CPA3: variants seen among roughly 807,000 people sequenced by gnomAD.
CPA3 encodes the protein mast cell carboxypeptidase A.
In CPA3, 52 loss-of-function variants were observed where a neutral mutation model predicts 55.8. The ratio of observed to expected loss-of-function variants is 0.93; its 90% CI spans 0.75 to 1.17. The LOEUF (loss-of-function observed/expected upper bound fraction) is 1.17. Ranked by LOEUF, CPA3 falls within the 50% of genes most tolerant of loss-of-function variation. The pLI is 0.00. For missense variants in CPA3, 547 were observed against 509.1 expected (o/e 1.07, Z -0.72); for synonymous variants, 179 against 171.2 (o/e 1.05, Z -0.36).
Position 148,896,900 on chromosome 3 carries a change from AC to A in CPA3, c.*195del. 2 of 420,204 alleles carry A rather than the reference AC, an allele frequency of 4.8e-6. No homozygotes were observed. Among genetic ancestry groups the A allele is most frequent in the Non-Finnish European group, 4.2e-6 (1 of 240,534 alleles). The allele number at this position is 420,204 out of a possible 1,614,324, so 26.0% of individuals were successfully genotyped here. On this transcript the variant is annotated 3_prime_UTR_variant, in exon 11 of 11. Transcript: ENST00000296046. Reference sequence around the variant, plus strand: ...CCATAACGAAGTAGCTTTAAGTGAAACCTTTTAACTACCTTTCTTTGCTCCA... The same window carrying A: ...CCATAACGAAGTAGCTTTAAGTGAAACTTTTAACTACCTTTCTTTGCTCCA...
chr3:148,876,659 G>A (rs765920637), intron 3 of CPA3, among the ~76,000 whole-genome samples: 1 of 151,994 alleles, frequency 6.6e-6, no homozygotes, highest in Non-Finnish European at 1.5e-5. Flanking sequence ...TTACAGGTGT[G>A]AACCACCATG....
intron 10 of CPA3, among the ~76,000 whole-genome samples, chr3:148,894,721 A>T (rs1206830922): frequency 6.6e-6 from 1 of 152,170 alleles, no homozygotes; most frequent in Non-Finnish European, 1.5e-5. Context: ...GAAATTTGCT[A>T]GTGACAGAGA....
intron 9 of CPA3, among the ~76,000 whole-genome samples, chr3:148,884,765 A>T (rs1309725185): frequency 6.6e-6 from 1 of 151,936 alleles, no homozygotes; most frequent in Non-Finnish European, 1.5e-5. Context: ...GTAGGTGATA[A>T]TCTGAGGGCG....
Position 148,886,124 on chromosome 3 carries a change from T to C in CPA3, c.1013T>C (p.Leu338Pro), listed in dbSNP as rs1360420920. Residue 338 changes from leucine to proline, a missense_variant, in exon 10 of 11, where the codon CTA becomes CCA. Coordinates refer to ENST00000296046, the MANE Select transcript of CPA3 (RefSeq NM_001870.4). ...GTTGCAAAGATTGGCACTGATGTTC[T>C]ATCAACTCGATATGAAACCCGCTAC... ...AKVAKIGTDV[L>P]STRYETRYIY... 1 of 1,613,764 alleles carries C rather than the reference T, an allele frequency of 6.2e-7. No homozygotes were observed.
At position 148,882,551 on chromosome 3, in the gene CPA3, G is replaced by T; in HGVS notation, c.734G>T (p.Cys245Phe). The change falls in exon 8 of 11, where the codon TGC (cysteine) becomes TTC (phenylalanine). Residue 245 changes from cysteine to phenylalanine, a missense_variant. By Grantham distance (205) the Cys-to-Phe change is radical. Coordinates refer to ENST00000296046, the MANE Select transcript of CPA3 (RefSeq NM_001870.4). Reference protein sequence around the residue: ...KNRSKNQNSKCIGTDLNRNFN... With the variant: ...KNRSKNQNSKFIGTDLNRNFN... Reference sequence around the variant, plus strand: ...CGTTCCAAGAACCAAAACTCCAAATGCATCGGCACTGACCTCAACAGGAAT... The same window carrying T: ...CGTTCCAAGAACCAAAACTCCAAATTCATCGGCACTGACCTCAACAGGAAT... 6.2e-7 allele frequency: 1 copy of T among 1,613,776 alleles called. No individual in the cohort carries two copies. Among genetic ancestry groups the T allele is most frequent in the Middle Eastern group, 1.7e-4 (1 of 6,056 alleles).
intron 10 of CPA3, among the ~76,000 whole-genome samples, chr3:148,887,780 G>A (rs1220644106): frequency 6.6e-6 from 1 of 152,144 alleles, no homozygotes; most frequent in Non-Finnish European, 1.5e-5. Context: ...TCAAAAGCAA[G>A]AATTATGCTT....
chr3:148,886,132 C>A lies in CPA3; in HGVS notation c.1021C>A (p.Arg341=), dbSNP rs779939415. 1.2e-5 allele frequency: 19 copies of A among 1,613,382 alleles called. 1 individual carries two copies. The Admixed American group carries it at 3.0e-4, about 25-fold the overall frequency. Residue 341 remains arginine, a synonymous_variant, in exon 10 of 11, where the codon CGA becomes AGA. Coordinates refer to ENST00000296046, the MANE Select transcript of CPA3 (RefSeq NM_001870.4). The part of the protein sequence containing the change: ...AKIGTDVLST[R]YETRYIYGPI... The stretch of plus-strand genomic sequence containing the variant: ...GATTGGCACTGATGTTCTATCAACT[C>A]GATATGAAACCCGCTACATCTATGG...
intron 3 of CPA3, among the ~76,000 whole-genome samples, chr3:148,876,276 T>C (rs1421671640): frequency 6.6e-6 from 1 of 151,706 alleles, no homozygotes; most frequent in East Asian, 1.9e-4. Flanking sequence ...AATTATGTTA[T>C]GATCCATTAT....
intron 10 of CPA3, among the ~76,000 whole-genome samples, chr3:148,895,380 T>C (rs1166225510): frequency 6.6e-6 from 1 of 152,212 alleles, no homozygotes; most frequent in Non-Finnish European, 1.5e-5. Flanking sequence ...AGGCAGTATT[T>C]GAGCTGGCAC....
rs758158860 is a variant in CPA3, at chr3:148,883,806, T to G, written c.972T>G (p.His324Gln). The change falls in exon 9 of 11, where the codon CAT becomes CAG. Residue 324 changes from histidine (H) to glutamine (Q), a missense_variant. His to Gln is a conservative substitution (Grantham distance 24, BLOSUM62 0). Transcript: ENST00000296046. ...YGYTSKLPPN[H>Q]EDLAKVAKIG... Reference sequence around the variant, plus strand: ...ATACATCAAAACTGCCACCTAACCATGAGGACTTGGTACGTAGACAAAAGT... The same window carrying G: ...ATACATCAAAACTGCCACCTAACCAGGAGGACTTGGTACGTAGACAAAAGT... The G allele has an allele frequency of 6.2e-7, 1 of 1,613,428 alleles. No homozygotes were observed. The highest frequency in any genetic ancestry group is 1.7e-5 in the Admixed American group (1 of 60,022).
chr3:148,868,849 AT>A (rs1470658633), intron 2 of CPA3, 65 bp from the exon 3 acceptor site: 14 of 1,560,980 alleles, frequency 9.0e-6, no homozygotes, highest in Admixed American at 3.5e-5. Context: ...AGACATGATC[AT>A]TTCTTAATCA....
chr3:148,879,967 A>G (rs1486872799), intron 6 of CPA3, 78 bp downstream of exon 6: 1 of 978,628 alleles, frequency 1.0e-6, no homozygotes, highest in Non-Finnish European at 1.6e-6. Flanking sequence ...ACATCTTTCC[A>G]AACACGCAAT....
intron 2 of CPA3, among the ~76,000 whole-genome samples, chr3:148,867,312 C>T (rs1009403823): frequency 6.6e-6 from 1 of 152,204 alleles, no homozygotes; most frequent in Non-Finnish European, 1.5e-5. Context: ...CTCTTCTGTT[C>T]ATCAACTCTC....
chr3:148,880,228 A>C (rs2108034323), intron 6 of CPA3, among the ~76,000 whole-genome samples: 1 of 152,334 alleles, frequency 6.6e-6, no homozygotes, highest in African/African-American at 2.4e-5. Context: ...AGCTCAAAAC[A>C]TAGATATTTA....
At chr3:148,870,484 GC>G (rs1411366238) in intron 3 of CPA3, among the ~76,000 whole-genome samples, 1 of 151,992 alleles carries the variant, frequency 6.6e-6, no homozygotes, top group Non-Finnish European at 1.5e-5. Context: ...ACATAAGTGA[GC>G]AAAAAACATT....
At chr3:148,871,197 G>A (rs867765469) in intron 3 of CPA3, among the ~76,000 whole-genome samples, 3 of 152,088 alleles carry the variant, frequency 2.0e-5, no homozygotes, top group Non-Finnish European at 2.9e-5. Flanking sequence ...TCACTTCATT[G>A]CCAGCTTTCT....
At chr3:148,882,358 A>G in intron 7 of CPA3, 147 bp from the exon 8 acceptor site, 1 of 560,570 alleles carries the variant, frequency 1.8e-6, no homozygotes, top group South Asian at 2.7e-5. Flanking sequence ...AGAAAACAAT[A>G]TTTTTTTCTT....
Position 148,886,116 on chromosome 3 carries a change from T to C in CPA3, c.1005T>C (p.Thr335=). The change falls in exon 10 of 11, where the codon ACT becomes ACC. Residue 335 remains threonine, a synonymous_variant. Coordinates refer to ENST00000296046, the MANE Select transcript of CPA3 (RefSeq NM_001870.4). ...EDLAKVAKIG[T]DVLSTRYETR... Reference sequence around the variant, plus strand: ...AGGCCAAAGTTGCAAAGATTGGCACTGATGTTCTATCAACTCGATATGAAA... The same window carrying C: ...AGGCCAAAGTTGCAAAGATTGGCACCGATGTTCTATCAACTCGATATGAAA... 2 of 1,613,744 alleles carry C rather than the reference T, an allele frequency of 1.2e-6. No homozygotes were observed. The highest frequency in any genetic ancestry group is 1.7e-6 in the Non-Finnish European group (2 of 1,179,800).
intron 9 of CPA3, among the ~76,000 whole-genome samples, chr3:148,884,919 A>G (rs981615211): frequency 6.6e-6 from 1 of 152,160 alleles, no homozygotes; most frequent in Admixed American, 6.5e-5. Flanking sequence ...TAGCAACTAA[A>G]TTGATTAAGA....
Sources: gnomAD v4.1 joint callset for allele counts (sites outside exome capture counted in the v4.1 genomes callset) on GRCh38, gnomAD v4.1.1 for gene constraint, MANE v1.5 for transcripts, NCBI Gene and HGNC (gene_info 2026-07-23, HGNC 2026-07-21) for gene names.